Variants in AGBL1 observed in about 807,000 individuals in gnomAD.
AGBL1 encodes cytosolic carboxypeptidase 4.
AGBL1 carries 130 observed loss-of-function variants against 118.9 expected under a neutral mutation model. The ratio of observed to expected loss-of-function variants is 1.09; its 90% confidence interval spans 0.95 to 1.26. The LOEUF is 1.26. Among genes scored for constraint, AGBL1 ranks in the 50% most tolerant of loss-of-function variants. The pLI is 0.00. For synonymous variants in AGBL1, 555 were observed against 478.9 expected, an observed-to-expected ratio of 1.16 and a Z score of -2.08; for missense variants, 1,584 against 1,298.1, an observed-to-expected ratio of 1.22 and a Z score of -3.38.
chr15:86,824,763 G>T (rs569761434), intron 22 of AGBL1, among the ~76,000 whole-genome samples: 1 of 152,008 alleles, frequency 6.6e-6, no homozygotes, highest in African/African-American at 2.4e-5. Context: ...ACAGAAAAGA[G>T]AATTCAGAAC....
intron 1 of AGBL1, among the ~76,000 whole-genome samples, chr15:86,092,366 G>A (rs1388783237): frequency 6.6e-6 from 1 of 152,094 alleles, no homozygotes; most frequent in Non-Finnish European, 1.5e-5. Flanking sequence ...TTTAAAGAGG[G>A]GGGATCTCAG....
At position 86,455,764 on chromosome 15, in the gene AGBL1, A is replaced by G. The variant is rs2082251510; in HGVS notation, c.2555+58218A>G. 3.9e-5 allele frequency among the ~76,000 whole-genome samples: 6 copies of G among 152,266 alleles called. No homozygotes were observed. In the South Asian group the frequency reaches 1.0e-3, roughly 26 times the overall value. ...TACATATCATCATCATCATTGTCTT[A>G]TCTTTGTCTTCAACATCTCCATTTT... is the stretch of plus-strand genomic sequence containing the variant. On this transcript the variant is annotated intron_variant, in intron 18 of 22. Coordinates refer to ENST00000614907, the MANE Select transcript of AGBL1 (RefSeq NM_001386094.1).
At chr15:86,640,418 C>G (rs1398509077) in intron 21 of AGBL1, among the ~76,000 whole-genome samples, 1 of 151,936 alleles carries the variant, frequency 6.6e-6, no homozygotes, top group Non-Finnish European at 1.5e-5. Context: ...AATATTTTAC[C>G]ACATTTCTGT....
chr15:86,093,298 G>A (rs764754783), intron 1 of AGBL1, among the ~76,000 whole-genome samples: 5 of 152,158 alleles, frequency 3.3e-5, no homozygotes, highest in Non-Finnish European at 5.9e-5. Context: ...CCTGCTAGTT[G>A]CAAGTTAAAA....
At chr15:86,590,612 G>A (rs1392399077) in intron 21 of AGBL1, among the ~76,000 whole-genome samples, 1 of 152,166 alleles carries the variant, frequency 6.6e-6, no homozygotes, top group African/African-American at 2.4e-5. Flanking sequence ...AGGGGGTCTT[G>A]TTATGTAGAT....
chr15:86,556,559 T>TG (rs950385622), intron 21 of AGBL1, among the ~76,000 whole-genome samples: 8 of 152,110 alleles, frequency 5.3e-5, no homozygotes, highest in African/African-American at 1.7e-4. Flanking sequence ...ATTTTACATA[T>TG]GGGGGGGCCC....
Position 86,952,791 on chromosome 15 carries a change from TAAA to T in AGBL1, c.3222-35195_3222-35193del, listed in dbSNP as rs561355777. Among the ~76,000 whole-genome samples, 710 of 152,326 alleles carry T rather than the reference TAAA, an allele frequency of 4.7e-3. 9 individuals are homozygous for T. The highest frequency in any genetic ancestry group is 0.017 in the African/African-American group (692 of 41,574). On this transcript the variant is annotated intron_variant, in intron 23 of 24. Coordinates refer to the AGBL1 transcript ENST00000441037. ...TTAAAAAGAATATTTCCTAGATTTT[TAAA>T]GAATTTTTAGAGTTTGAGGTCTCAC...
chr15:86,392,880 C>G (rs2081309651), intron 17 of AGBL1, among the ~76,000 whole-genome samples: 1 of 152,114 alleles, frequency 6.6e-6, no homozygotes, highest in African/African-American at 2.4e-5. Flanking sequence ...TTGCCTGACC[C>G]TAAGCAGACA....
At chr15:86,336,275 T>C (rs2080367298) in intron 17 of AGBL1, among the ~76,000 whole-genome samples, 1 of 152,224 alleles carries the variant, frequency 6.6e-6, no homozygotes, top group Non-Finnish European at 1.5e-5. Context: ...TACATTTTAC[T>C]CATGGGGTTG....
intron 22 of AGBL1, among the ~76,000 whole-genome samples, chr15:86,808,491 C>T (rs962372608): frequency 6.6e-6 from 1 of 152,138 alleles, no homozygotes; most frequent in East Asian, 1.9e-4. Flanking sequence ...CTATAAACCT[C>T]TTCCACATCT....
At chr15:86,870,454 CAAAAAAAA>C (rs770556494) in intron 22 of AGBL1, among the ~76,000 whole-genome samples, 15 of 64,110 alleles carry the variant, frequency 2.3e-4, no homozygotes, top group South Asian at 6.8e-4. Flanking sequence ...AAGCATACTG[CAAAAAAAA>C]AAAAAAAAAA....
chr15:86,635,477 C>A (rs1363520822), intron 21 of AGBL1, among the ~76,000 whole-genome samples: 1 of 151,670 alleles, frequency 6.6e-6, no homozygotes, highest in Non-Finnish European at 1.5e-5. Flanking sequence ...CTTAGAGGAA[C>A]AACTCACTGT....
At chr15:86,764,963 G>T (rs1341715464) in intron 22 of AGBL1, among the ~76,000 whole-genome samples, 2 of 151,978 alleles carry the variant, frequency 1.3e-5, no homozygotes, top group Non-Finnish European at 2.9e-5. Flanking sequence ...TGATTCTCCA[G>T]GACAGGCATT....
chr15:86,616,364 A>T lies in AGBL1; in HGVS notation c.2995-57909A>T, dbSNP rs1215987280. Among the ~76,000 whole-genome samples, 9 of 144,940 alleles carry T rather than the reference A, an allele frequency of 6.2e-5. 1 individual carries two copies. Among genetic ancestry groups the T allele is most frequent in the South Asian group, 2.2e-4 (1 of 4,470 alleles). On this transcript the variant is annotated intron_variant, in intron 21 of 22. Coordinates refer to ENST00000614907, the MANE Select transcript of AGBL1 (RefSeq NM_001386094.1). The stretch of plus-strand genomic sequence containing the variant: ...CAAAAAAAAAAAAAAAAAAAAAAAA[A>T]AAAAAAAATGAAGATGGAAAACTTG...
At chr15:86,824,027 A>T (rs940164415) in intron 22 of AGBL1, among the ~76,000 whole-genome samples, 1 of 152,140 alleles carries the variant, frequency 6.6e-6, no homozygotes, top group African/African-American at 2.4e-5. Context: ...CAAGGCAAGG[A>T]TGTCCACTCT....
chr15:86,698,610 GT>G (rs78700642), intron 22 of AGBL1, among the ~76,000 whole-genome samples: 449 of 138,318 alleles, frequency 3.2e-3, no homozygotes, highest in African/African-American at 7.6e-3. Flanking sequence ...GCTGATCATT[GT>G]TTTTTTTTTT....
At chr15:86,700,512 A>ACACACAC (rs760114526) in intron 22 of AGBL1, among the ~76,000 whole-genome samples, 4 of 39,466 alleles carry the variant, frequency 1.0e-4, no homozygotes, top group African/African-American at 4.8e-4. Flanking sequence ...CACACACACA[A>ACACACAC]AATCTCTCTT....
At chr15:86,837,865 C>T (rs2079190322) in intron 22 of AGBL1, among the ~76,000 whole-genome samples, 1 of 152,168 alleles carries the variant, frequency 6.6e-6, no homozygotes, top group African/African-American at 2.4e-5. Flanking sequence ...TCTGTATTCT[C>T]TTGCTAAGAG....
intron 1 of AGBL1, among the ~76,000 whole-genome samples, chr15:86,118,934 G>T (rs1897929159): frequency 6.6e-6 from 1 of 152,302 alleles, no homozygotes; most frequent in Admixed American, 6.5e-5. Context: ...GAACTTTACA[G>T]ACATGATTTC....
Sources: gnomAD v4.1 joint callset for allele counts (sites outside exome capture counted in the v4.1 genomes callset) on GRCh38, gnomAD v4.1.1 for gene constraint, MANE v1.5 for transcripts, NCBI Gene and HGNC (gene_info 2026-07-23, HGNC 2026-07-21) for gene names.